Variants in TCHH observed in about 807,000 individuals in gnomAD.
The protein encoded by TCHH is trichohyalin.
In TCHH, 6 loss-of-function variants were observed where a neutral mutation model predicts 6.3. The observed-to-expected ratio is 0.95, with a 90% CI of 0.52 to 1.88. The LOEUF (loss-of-function observed/expected upper bound fraction) is 1.88. Among genes scored for constraint, TCHH ranks in the 40% most tolerant of loss-of-function variants. The pLI is 0.01. For missense variants in TCHH, 2,920 were observed against 2,449.1 expected (o/e 1.19, Z -4.06); for synonymous variants, 1,087 against 963.6 (o/e 1.13, Z -2.37).
chr1:152,109,244 T>G lies in TCHH; in HGVS notation c.3973A>C (p.Arg1325=). 1 of 1,614,244 alleles carries G rather than the reference T, an allele frequency of 6.2e-7. No homozygotes were observed. The highest frequency in any genetic ancestry group is 8.5e-7 in the Non-Finnish European group (1 of 1,180,028). ...QEEKQLLREE[R]EEKRRRQETD... Reference sequence around the variant, plus strand: ...TCTTGACGGCGTCTCTTCTCTTCTCTTTCCTCTCTCAGCAACTGCTTTTCC... The same window carrying G: ...TCTTGACGGCGTCTCTTCTCTTCTCGTTCCTCTCTCAGCAACTGCTTTTCC... Residue 1325 remains arginine, a synonymous_variant, in exon 3 of 3, where the codon AGA becomes CGA. Coordinates refer to ENST00000614923, the MANE Select transcript of TCHH (RefSeq NM_007113.4).
At chr1:152,113,306 A>C (rs1011605862) in intron 2 of TCHH, among the ~76,000 whole-genome samples, 4 of 152,236 alleles carry the variant, frequency 2.6e-5, no homozygotes, top group African/African-American at 9.6e-5. Context: ...TGCTGATCAA[A>C]CCTAAGGAAG....
Position 152,107,259 on chromosome 1 carries a change from A to C in TCHH, c.*126T>G. On this transcript the variant is annotated 3_prime_UTR_variant, in exon 3 of 3. Coordinates refer to ENST00000614923, the MANE Select transcript of TCHH (RefSeq NM_007113.4). Reference sequence around the variant, plus strand: ...GAGCGTAGTTTAAGATTTTGGAAGAAAAGACATTCTAATATCAGAGAGTTT... The same window carrying C: ...GAGCGTAGTTTAAGATTTTGGAAGACAAGACATTCTAATATCAGAGAGTTT... 1 of 1,028,916 alleles carries C rather than the reference A, an allele frequency of 9.7e-7. No individual in the cohort carries two copies. The allele number at this position is 1,028,916 out of a possible 1,614,324, so 63.7% of individuals were successfully genotyped here. A position where few individuals can be genotyped will look rare whatever the true frequency, so the allele number is the denominator to read the frequency against.
rs370960477 is a variant in TCHH at position 152,108,967 on chromosome 1, C to T, written c.4250G>A (p.Arg1417His). 1.6e-4 allele frequency: 250 copies of T among 1,611,218 alleles called. No individual in the cohort carries two copies. Among genetic ancestry groups the T allele is most frequent in the Non-Finnish European group, 1.9e-4 (228 of 1,179,464 alleles). Residue 1417 changes from arginine to histidine, a missense_variant, in exon 3 of 3, where the codon CGC becomes CAC. By Grantham distance (29) the Arg-to-His change is conservative. Transcript: ENST00000614923. Reference protein sequence around the residue: ...QLRQDRDRKFREEEQQLSRQE... With the variant: ...QLRQDRDRKFHEEEQQLSRQE... Reference sequence around the variant, plus strand: ...GCGGCTCAGCTGCTGTTCCTCCTCGCGGAATTTTCTGTCGCGGTCCTGACG... The same window carrying T: ...GCGGCTCAGCTGCTGTTCCTCCTCGTGGAATTTTCTGTCGCGGTCCTGACG...
In TCHH at chr1:152,110,066, G is replaced by T; in HGVS notation, c.3151C>A (p.Arg1051=). 6.2e-7 allele frequency: 1 copy of T among 1,609,598 alleles called. No homozygotes were observed. The highest frequency in any genetic ancestry group is 1.7e-5 in the Admixed American group (1 of 59,358). ...TCCTGCTGCAGCTCCTCTTCCTCCC[G>T]ATATTGCCTCTCCCGCTCCTGGAGT... ...RRLQERERQY[R]EEEELQQEEE... Residue 1051 remains arginine, a synonymous_variant, in exon 3 of 3, where the codon CGG becomes AGG. Coordinates refer to ENST00000614923, the MANE Select transcript of TCHH (RefSeq NM_007113.4).
In TCHH at chr1:152,108,919, C is replaced by G; in HGVS notation, c.4298G>C (p.Arg1433Pro). Residue 1433 changes from arginine (R) to proline (P), a missense_variant, in exon 3 of 3, where the codon CGT (arginine) becomes CCT (proline). Physicochemically the swap from Arg to Pro is moderately radical, Grantham distance 103. Transcript: ENST00000614923. The part of the protein sequence containing the change: ...LSRQERDRKF[R>P]EEEQQVRRQE... ...GCGGCGCACCTGCTGTTCCTCTTCA[C>G]GGAATTTTCTGTCACGCTCTTGGCG... 5 of 1,609,526 alleles carry G rather than the reference C, an allele frequency of 3.1e-6. No homozygotes were observed. The South Asian group carries it at 4.4e-5, about 14-fold the overall frequency.
In TCHH at chr1:152,108,487, C is replaced by G. The variant is rs201199054; in HGVS notation, c.4730G>C (p.Arg1577Pro). 2 of 1,612,354 alleles carry G rather than the reference C, an allele frequency of 1.2e-6. No homozygotes were observed. The highest frequency in any genetic ancestry group is 1.7e-6 in the Non-Finnish European group (2 of 1,179,654). Residue 1577 changes from arginine (R) to proline (P), a missense_variant, in exon 3 of 3, where the codon CGT becomes CCT. By Grantham distance (103) the Arg-to-Pro change is moderately radical. Coordinates refer to ENST00000614923, the MANE Select transcript of TCHH (RefSeq NM_007113.4). ...TTCCTCTAAACGGAATTTTCTGTCA[C>G]GCTCTTGGCGGCTCAGCTGCTGTTC... ...REEQQLSRQE[R>P]DRKFRLEEQK...
Position 152,113,012 on chromosome 1 carries a change from C to T in TCHH, c.205G>A (p.Val69Ile). The T allele has an allele frequency of 6.2e-7, 1 of 1,614,054 alleles. No individual in the cohort carries two copies. The highest frequency in any genetic ancestry group is 2.2e-5 in the East Asian group (1 of 44,868). ...AATAGGAGGAATTCGTTGAAATCGA[C>T]ACGCCCATTACTGTCAAGATCCAGA... ...ELLDLDSNGRVDFNEFLLFIF... is the reference protein window; with the variant it reads ...ELLDLDSNGRIDFNEFLLFIF... Residue 69 changes from valine (V) to isoleucine (I), a missense_variant, in exon 3 of 3, where the codon GTC (valine) becomes ATC (isoleucine). Val to Ile is a conservative substitution (Grantham distance 29). Coordinates refer to ENST00000614923, the MANE Select transcript of TCHH (RefSeq NM_007113.4).
Position 152,107,237 on chromosome 1 carries a change from C to T in TCHH, c.*148G>A, listed in dbSNP as rs1384763378. 3 of 806,584 alleles carry T rather than the reference C, an allele frequency of 3.7e-6. No homozygotes were observed. The highest frequency in any genetic ancestry group is 1.7e-5 in the African/African-American group (1 of 58,662). 50.0% of individuals were successfully genotyped at this position (806,584 alleles called of 1,614,324 possible). On this transcript the variant is annotated 3_prime_UTR_variant, in exon 3 of 3. Transcript: ENST00000614923. ...AGAAGTACAAAGTGCGTAAAATGAG[C>T]GTAGTTTAAGATTTTGGAAGAAAAG... is the stretch of plus-strand genomic sequence containing the variant.
Position 152,109,806 on chromosome 1 carries a change from C to T in TCHH, c.3411G>A (p.Glu1137=), listed in dbSNP as rs1658260234. The T allele has an allele frequency of 1.3e-6, 2 of 1,593,704 alleles. No homozygotes were observed. Among genetic ancestry groups the T allele is most frequent in the Non-Finnish European group, 1.7e-6 (2 of 1,167,840 alleles). ...EREKRRRQEL[E]RQYREEEEVQ... is the part of the protein sequence containing the mutation. ...CCTCCTCTTCCTCCCGATATTGCCT[C>T]TCCAGCTCCTGGCGCCTTCTCTTCT... Residue 1137 remains glutamate, a synonymous_variant, in exon 3 of 3, where the codon GAG becomes GAA. Transcript: ENST00000614923.
Position 152,111,820 on chromosome 1 carries a change from C to G in TCHH, c.1397G>C (p.Arg466Thr), listed in dbSNP as rs761332108. 6.4e-7 allele frequency: 1 copy of G among 1,562,414 alleles called. No homozygotes were observed. The highest frequency in any genetic ancestry group is 1.8e-5 in the Admixed American group (1 of 56,188). Reference sequence around the variant, plus strand: ...CTGCTTGCGCCTCTCCTGCTCGTGCCTCTCCGTCTCCTCCTCGCGCTTCAG... The same window carrying G: ...CTGCTTGCGCCTCTCCTGCTCGTGCGTCTCCGTCTCCTCCTCGCGCTTCAG... ...DWLKREEETE[R>T]HEQERRKQQL... Residue 466 changes from arginine (R) to threonine (T), a missense_variant, in exon 3 of 3, where the codon AGG (arginine) becomes ACG (threonine). Coordinates refer to ENST00000614923, the MANE Select transcript of TCHH (RefSeq NM_007113.4).
At chr1:152,114,522 C>T (rs1658463873) in intron 1 of TCHH, among the ~76,000 whole-genome samples, 1 of 152,162 alleles carries the variant, frequency 6.6e-6, no homozygotes, top group Non-Finnish European at 1.5e-5. Context: ...TGAAGGAAGA[C>T]TTGAGAGTAT....
Position 152,108,386 on chromosome 1 carries a change from G to C in TCHH, c.4831C>G (p.Gln1611Glu). The C allele has an allele frequency of 6.2e-7, 1 of 1,606,360 alleles. No individual in the cohort carries two copies. Among genetic ancestry groups the C allele is most frequent in the Non-Finnish European group, 8.5e-7 (1 of 1,177,576 alleles). ...CTGTCGCGCTCCTGGCGCAGCTGTTGTTGGCCCTCCTGGCGGCGCAGCTGC... is the reference window on the plus strand; with the variant it reads ...CTGTCGCGCTCCTGGCGCAGCTGTTCTTGGCCCTCCTGGCGGCGCAGCTGC... Reference protein sequence around the residue: ...EQQLRRQEGQQQLRQERDRKF... With the variant: ...EQQLRRQEGQEQLRQERDRKF... Residue 1611 changes from glutamine to glutamate, a missense_variant, in exon 3 of 3, where the codon CAA (glutamine) becomes GAA (glutamate). By Grantham distance (29) the Gln-to-Glu change is conservative. Coordinates refer to ENST00000614923, the MANE Select transcript of TCHH (RefSeq NM_007113.4).
rs369989553 is a variant in TCHH, at chr1:152,108,765, G to A, written c.4452C>T (p.Asp1484=). Residue 1484 remains aspartate, a synonymous_variant, in exon 3 of 3, where the codon GAC becomes GAT. Coordinates refer to ENST00000614923, the MANE Select transcript of TCHH (RefSeq NM_007113.4). ...EEQQLHRQER[D]RKFLEEEQQL... ...GTTGTTCCTCCTCCAGGAATTTTCTGTCACGCTCTTGGCGGTGCAGCTGCT... is the reference window on the plus strand; with the variant it reads ...GTTGTTCCTCCTCCAGGAATTTTCTATCACGCTCTTGGCGGTGCAGCTGCT... 3 of 1,610,428 alleles carry A rather than the reference G, an allele frequency of 1.9e-6. No homozygotes were observed. Among genetic ancestry groups the A allele is most frequent in the South Asian group, 2.2e-5 (2 of 90,852 alleles).
rs1346452302 is a variant in TCHH at position 152,107,351 on chromosome 1, G to A, written c.*34C>T. On this transcript the variant is annotated 3_prime_UTR_variant, in exon 3 of 3. Transcript: ENST00000614923. ...TGTTTCTCATTTTCCCGTGCTCGAA[G>A]CTTTGGCAGGTGTCAAGATATTGGC... 1.3e-6 allele frequency: 2 copies of A among 1,510,574 alleles called. No homozygotes were observed. The highest frequency in any genetic ancestry group is 1.8e-6 in the Non-Finnish European group (2 of 1,129,470). 93.6% of individuals were successfully genotyped at this position (1,510,574 alleles called of 1,614,324 possible). A position where few individuals can be genotyped will look rare whatever the true frequency, so the allele number is the denominator to read the frequency against.
intron 1 of TCHH, 67 bp downstream of exon 1, chr1:152,115,324 A>G (rs956439080): frequency 2.6e-5 from 4 of 152,220 alleles, no homozygotes; most frequent in Admixed American, 6.5e-5. Flanking sequence ...CCATATCCCA[A>G]CATCTGAAAT....
chr1:152,113,044 A>C lies in TCHH; in HGVS notation c.173T>G (p.Leu58Arg). 1 of 1,613,710 alleles carries C rather than the reference A, an allele frequency of 6.2e-7. No homozygotes were observed. Among genetic ancestry groups the C allele is most frequent in the Non-Finnish European group, 8.5e-7 (1 of 1,179,808 alleles). ...PHDPKTVDLILELLDLDSNGR... is the reference protein window; with the variant it reads ...PHDPKTVDLIRELLDLDSNGR... ...ATTACTGTCAAGATCCAGAAGTTCC[A>C]GGATCAGATCTACCGTCTTAGGGTC... The change falls in exon 3 of 3, where the codon CTG becomes CGG. Residue 58 changes from leucine to arginine, a missense_variant. Coordinates refer to ENST00000614923, the MANE Select transcript of TCHH (RefSeq NM_007113.4).
In TCHH at chr1:152,110,322, C is replaced by T. The variant is rs989614272; in HGVS notation, c.2895G>A (p.Lys965=). ...ERERQYRKDK[K]LQQKEEQLLG... ...GCAGCTGCTCTTCCTTCTGCTGCAGCTTCTTATCCTTCCGATATTGCCTTT... is the reference window on the plus strand; with the variant it reads ...GCAGCTGCTCTTCCTTCTGCTGCAGTTTCTTATCCTTCCGATATTGCCTTT... The change falls in exon 3 of 3, where the codon AAG becomes AAA. Residue 965 remains lysine, a synonymous_variant. Coordinates refer to ENST00000614923, the MANE Select transcript of TCHH (RefSeq NM_007113.4). 6.2e-7 allele frequency: 1 copy of T among 1,610,758 alleles called. No individual in the cohort carries two copies. Among genetic ancestry groups the T allele is most frequent in the Non-Finnish European group, 8.5e-7 (1 of 1,178,554 alleles).
In TCHH at chr1:152,109,579, C is replaced by T. The variant is rs545148997; in HGVS notation, c.3638G>A (p.Arg1213Gln). The T allele has an allele frequency of 1.2e-6, 2 of 1,614,210 alleles. No individual in the cohort carries two copies. Among genetic ancestry groups the T allele is most frequent in the East Asian group, 2.2e-5 (1 of 44,884 alleles). The change falls in exon 3 of 3, where the codon CGA (arginine) becomes CAA (glutamine). Residue 1213 changes from arginine to glutamine, a missense_variant. Transcript: ENST00000614923. ...ACTGCGCTGATCCTCATCCCGGTAT[C>T]GCTGCTTCCTTTTCTGGCGCTGAAG... ...EELQRQKRKQ[R>Q]YRDEDQRSDL...
At position 152,106,601 on chromosome 1, in the gene TCHH, T is replaced by A. The variant is rs139507825; in HGVS notation, c.*784A>T. On this transcript the variant is annotated 3_prime_UTR_variant, in exon 3 of 3. Transcript: ENST00000614923. The stretch of plus-strand genomic sequence containing the variant: ...AAGGTTCATAATATTCTGAAACTCA[T>A]CAAAACTTGGGGAAGTAGAATGAAC... 2.0e-5 allele frequency: 3 copies of A among 152,292 alleles called. No individual in the cohort carries two copies. The highest frequency in any genetic ancestry group is 7.2e-5 in the African/African-American group (3 of 41,560). 9.4% of individuals were successfully genotyped at this position (152,292 alleles called of 1,614,324 possible). A position where few individuals can be genotyped will look rare whatever the true frequency, so the allele number is the denominator to read the frequency against.
Sources: allele counts gnomAD v4.1 joint callset (sites outside exome capture counted in the v4.1 genomes callset), GRCh38; gene constraint gnomAD v4.1.1; transcripts MANE v1.5; gene names NCBI Gene and HGNC (gene_info 2026-07-23, HGNC 2026-07-21).